The following MDM4 variants were observed in gnomAD, a reference collection of about 807,000 sequenced individuals.
MDM4 encodes MDM4 regulator of p53, also known as protein Mdm4.
In MDM4, 2 loss-of-function variants were observed where a neutral mutation model predicts 60.2. The observed-to-expected ratio is 0.03, with a 90% CI of 0.01 to 0.10. MDM4 has a LOEUF of 0.10. Among genes scored for constraint, MDM4 ranks in the 10% least tolerant of loss-of-function variants. The probability of loss-of-function intolerance (pLI) is 1.00; values close to 1 mark genes in which losing one functional copy is unlikely to be tolerated. For synonymous variants in MDM4, 202 were observed against 198.1 expected (o/e 1.02, Z -0.17); for missense variants, 447 against 577.5 (o/e 0.77, Z 2.32).
chr1:204,528,011 C>A (rs1008350041), intron 3 of MDM4, among the ~76,000 whole-genome samples: 3 of 150,482 alleles, frequency 2.0e-5, no homozygotes, highest in Non-Finnish European at 4.4e-5. Flanking sequence ...TTAAGCACAT[C>A]GTTTTGGAGT....
intron 1 of MDM4, among the ~76,000 whole-genome samples, chr1:204,523,099 G>C (rs1659736330): frequency 6.6e-6 from 1 of 151,626 alleles, no homozygotes; most frequent in South Asian, 2.1e-4. Context: ...CTGACCTCAG[G>C]TGATCCACCT....
At chr1:204,523,577 C>T (rs1378051765) in intron 1 of MDM4, among the ~76,000 whole-genome samples, 2 of 137,312 alleles carry the variant, frequency 1.5e-5, no homozygotes, top group Non-Finnish European at 3.1e-5. Flanking sequence ...TCCACCTTGC[C>T]AGTTCAGGTG....
At chr1:204,537,373 G>A (rs953730598) in intron 5 of MDM4, 57 bp from the exon 6 acceptor site, 1 of 1,392,182 alleles carries the variant, frequency 7.2e-7, no homozygotes. Flanking sequence ...TCCTTTTTGT[G>A]TGGAAAGAAT....
At chr1:204,522,306 A>G (rs1659641458) in intron 1 of MDM4, among the ~76,000 whole-genome samples, 1 of 151,956 alleles carries the variant, frequency 6.6e-6, no homozygotes, top group South Asian at 2.1e-4. Flanking sequence ...CTCCAGCCTG[A>G]GTGACAGAGT....
chr1:204,523,178 A>T (rs564797711), intron 1 of MDM4, among the ~76,000 whole-genome samples: 165 of 148,174 alleles, frequency 1.1e-3, no homozygotes, highest in African/African-American at 3.6e-3. Flanking sequence ...TCTTAAAAAA[A>T]TTTTTTTTTG....
At chr1:204,520,891 A>G (rs1030533817) in intron 1 of MDM4, among the ~76,000 whole-genome samples, 1 of 152,194 alleles carries the variant, frequency 6.6e-6, no homozygotes, top group Non-Finnish European at 1.5e-5. Flanking sequence ...AATTATGAAA[A>G]TAAAAAGGTA....
chr1:204,525,371 T>A (rs961018363), intron 1 of MDM4, 113 bp from the exon 2 acceptor site: 4 of 1,420,908 alleles, frequency 2.8e-6, no homozygotes, highest in African/African-American at 1.5e-5. Context: ...TGTACGGTGC[T>A]CCATTATATG....
rs4252679 is a variant in MDM4 at position 204,526,506 on chromosome 1, C to T, written c.153+72C>T. On this transcript the variant is annotated intron_variant, in intron 3 of 10. Transcript: ENST00000367182. Reference sequence around the variant, plus strand: ...TGAGATGGAGTCTCCCTCTTTTGCCCAGGCTGGAGTGCAGTGGTGCGATCT... The same window carrying T: ...TGAGATGGAGTCTCCCTCTTTTGCCTAGGCTGGAGTGCAGTGGTGCGATCT... 8,988 of 1,151,132 alleles carry T rather than the reference C, an allele frequency of 7.8e-3. 49 individuals are homozygous for T. The highest frequency in any genetic ancestry group is 9.2e-3 in the Non-Finnish European group (7,382 of 799,920). 71.3% of individuals were successfully genotyped at this position (1,151,132 alleles called of 1,614,324 possible).
intron 3 of MDM4, among the ~76,000 whole-genome samples, chr1:204,528,197 C>G (rs1004413710): frequency 6.6e-6 from 1 of 151,888 alleles, no homozygotes; most frequent in Non-Finnish European, 1.5e-5. Context: ...GACCACTGTC[C>G]CCTGGAGATG....
chr1:204,534,427 T>C (rs149985271), intron 5 of MDM4, among the ~76,000 whole-genome samples: 1,774 of 152,346 alleles, frequency 0.012, 47 homozygotes, highest in Admixed American at 0.05. Flanking sequence ...CTTTTTTCTC[T>C]CATTTTCTTT....
chr1:204,537,848 C>T, intron 6 of MDM4: 1 of 660,702 alleles, frequency 1.5e-6, no homozygotes, highest in Non-Finnish European at 2.9e-6. Flanking sequence ...CTAAAGCTTC[C>T]CCAAACCTGG....
At chr1:204,518,878 C>T (rs1659265456) in intron 1 of MDM4, among the ~76,000 whole-genome samples, 1 of 152,186 alleles carries the variant, frequency 6.6e-6, no homozygotes, top group Non-Finnish European at 1.5e-5. Context: ...GTTGGCCAGG[C>T]TGGTCTTGAA....
Position 204,517,680 on chromosome 1 carries a change from G to A in MDM4, c.-36+1171G>A, listed in dbSNP as rs1026321321. Among the ~76,000 whole-genome samples, 5 of 152,124 alleles carry A rather than the reference G, an allele frequency of 3.3e-5. No homozygotes were observed. The East Asian group carries it at 9.7e-4, about 29-fold the overall frequency. ...GCCTCCGAAAGTGTTGGGATTACAG[G>A]CGTGAGCCACCGTGCCCGGCCGAAA... On this transcript the variant is annotated intron_variant, in intron 1 of 10. Transcript: ENST00000367182.
chr1:204,543,444 C>T (rs1395963326), intron 8 of MDM4, among the ~76,000 whole-genome samples: 1 of 152,246 alleles, frequency 6.6e-6, no homozygotes, highest in Non-Finnish European at 1.5e-5. Context: ...TCTTTGTTCA[C>T]TACATGCGTT....
In MDM4 at chr1:204,552,881, T is replaced by TTC; in HGVS notation, c.*3200_*3201insCT. 1 of 163,856 alleles carries TTC rather than the reference T, an allele frequency of 6.1e-6. No homozygotes were observed. The highest frequency in any genetic ancestry group is 2.4e-5 in the African/African-American group (1 of 41,740). 10.2% of individuals were successfully genotyped at this position (163,856 alleles called of 1,614,324 possible). ...CTATTTCTTTTCTTTTCTTTTTTTT[T>TTC]TTTTTTTACTTGAGATGGAGTTTTG... On this transcript the variant is annotated 3_prime_UTR_variant, in exon 11 of 11. Transcript: ENST00000367182.
At position 204,530,545 on chromosome 1, in the gene MDM4, A is replaced by AC. The variant is rs996651629; in HGVS notation, c.154-135dup. 11 of 1,044,006 alleles carry AC rather than the reference A, an allele frequency of 1.1e-5. No individual in the cohort carries two copies. The African/African-American group carries it at 1.4e-4, about 14-fold the overall frequency. 64.7% of individuals were successfully genotyped at this position (1,044,006 alleles called of 1,614,324 possible). Reference sequence around the variant, plus strand: ...TTGGGAGCGGCTTTCCTGTTGTAGGACCCCTTACACAAACTTTGACAGTCT... The same window carrying AC: ...TTGGGAGCGGCTTTCCTGTTGTAGGACCCCCTTACACAAACTTTGACAGTCT... On this transcript the variant is annotated intron_variant, in intron 3 of 10. Coordinates refer to ENST00000367182, the MANE Select transcript of MDM4 (RefSeq NM_002393.5).
At chr1:204,527,525 C>T (rs1024479664) in intron 3 of MDM4, among the ~76,000 whole-genome samples, 1 of 151,904 alleles carries the variant, frequency 6.6e-6, no homozygotes, top group Non-Finnish European at 1.5e-5. Context: ...TGGTTGTAAT[C>T]CCAGCTACTT....
chr1:204,531,776 G>A (rs1022062399), intron 4 of MDM4, among the ~76,000 whole-genome samples: 6 of 152,044 alleles, frequency 3.9e-5, no homozygotes, highest in African/African-American at 1.2e-4. Flanking sequence ...AGATTGCAGT[G>A]AGCTGAGATT....
At position 204,549,754 on chromosome 1, in the gene MDM4, A is replaced by T. The variant is rs1346642807; in HGVS notation, c.*72A>T. On this transcript the variant is annotated 3_prime_UTR_variant, in exon 11 of 11. Transcript: ENST00000367182. Reference sequence around the variant, plus strand: ...TTATTTGAAAATCAATCCTTTATTTAATTTTATTTCCAACCTGTCAGAGAA... The same window carrying T: ...TTATTTGAAAATCAATCCTTTATTTTATTTTATTTCCAACCTGTCAGAGAA... The T allele has an allele frequency of 1.0e-6, 1 of 994,232 alleles. No homozygotes were observed. Among genetic ancestry groups the T allele is most frequent in the Admixed American group, 3.0e-5 (1 of 33,598 alleles). 61.6% of individuals were successfully genotyped at this position (994,232 alleles called of 1,614,324 possible).
Sources: allele counts gnomAD v4.1 joint callset (sites outside exome capture counted in the v4.1 genomes callset), GRCh38; gene constraint gnomAD v4.1.1; transcripts MANE v1.5; gene names NCBI Gene and HGNC (gene_info 2026-07-23, HGNC 2026-07-21).